Variants in GPC6 observed in about 807,000 individuals in gnomAD.
The protein encoded by GPC6 is glypican 6, also known as glypican-6.
Under a neutral mutation model 55.2 loss-of-function variants are expected in GPC6, and 14 were observed. That is an observed-to-expected ratio of 0.25 (90% CI 0.17 to 0.40). The LOEUF (loss-of-function observed/expected upper bound fraction) is 0.40, where lower values mean the gene tolerates loss of function less well. GPC6 is among the 10% of genes least tolerant of loss of function. The pLI, the probability that GPC6 is intolerant of heterozygous loss-of-function variation, is 1.00. For synonymous variants in GPC6, 278 were observed against 259.6 expected, an observed-to-expected ratio of 1.07 and a Z score of -0.68; for missense variants, 641 against 708.5, an observed-to-expected ratio of 0.90 and a Z score of 1.08.
chr13:93,699,854 A>G (rs1882607118), intron 2 of GPC6, among the ~76,000 whole-genome samples: 1 of 152,056 alleles, frequency 6.6e-6, no homozygotes, highest in Non-Finnish European at 1.5e-5. Context: ...TTCTTAGAGA[A>G]ATCTTTCCTA....
intron 1 of GPC6, among the ~76,000 whole-genome samples, chr13:93,435,235 C>G (rs892856933): frequency 6.6e-6 from 1 of 152,060 alleles, no homozygotes; most frequent in African/African-American, 2.4e-5. Flanking sequence ...CTGCCTCAGC[C>G]TCCTGAGTAG....
chr13:93,249,059 A>G (rs1594051908), intron 1 of GPC6, among the ~76,000 whole-genome samples: 1 of 152,198 alleles, frequency 6.6e-6, no homozygotes, highest in East Asian at 1.9e-4. Context: ...ACCATATCCT[A>G]GGACCTATTC....
intron 3 of GPC6, among the ~76,000 whole-genome samples, chr13:93,958,066 A>AT (rs1183726671): frequency 6.6e-6 from 1 of 151,790 alleles, no homozygotes; most frequent in Non-Finnish European, 1.5e-5. Context: ...GGGTTATTTG[A>AT]TTTTTTCGTG....
chr13:93,226,412 A>G (rs1043723155), upstream of GPC6, among the ~76,000 whole-genome samples: 6 of 152,222 alleles, frequency 3.9e-5, no homozygotes, highest in Non-Finnish European at 5.9e-5. Context: ...AGAAAAAAAC[A>G]AAGTCAAACA....
chr13:94,238,187 T>C (rs1281557970), intron 4 of GPC6, among the ~76,000 whole-genome samples: 1 of 152,176 alleles, frequency 6.6e-6, no homozygotes, highest in African/African-American at 2.4e-5. Flanking sequence ...GATGTCCTTC[T>C]ATTAATGTCA....
At chr13:93,875,717 ATTCATAT>A (rs1889272735) in intron 3 of GPC6, among the ~76,000 whole-genome samples, 1 of 152,038 alleles carries the variant, frequency 6.6e-6, no homozygotes, top group African/African-American at 2.4e-5. Context: ...CCAATAAATG[ATTCATAT>A]GGCATGGGAG....
chr13:93,647,721 A>G (rs886227279), intron 2 of GPC6, among the ~76,000 whole-genome samples: 2 of 152,054 alleles, frequency 1.3e-5, no homozygotes, highest in Admixed American at 1.3e-4. Flanking sequence ...CAAATCTTTC[A>G]CTTATTGCAA....
intron 3 of GPC6, among the ~76,000 whole-genome samples, chr13:93,844,248 C>T (rs1888078156): frequency 6.6e-6 from 1 of 152,152 alleles, no homozygotes; most frequent in African/African-American, 2.4e-5. Flanking sequence ...AAGTGATTCT[C>T]CTGCCTTAGC....
intron 4 of GPC6, among the ~76,000 whole-genome samples, chr13:94,214,159 A>T (rs1285188769): frequency 1.3e-5 from 2 of 152,206 alleles, no homozygotes; most frequent in Non-Finnish European, 2.9e-5. Flanking sequence ...TTCTCCATAA[A>T]GTTACCTCAG....
At chr13:94,249,223 T>A (rs1891281012) in intron 4 of GPC6, among the ~76,000 whole-genome samples, 1 of 152,168 alleles carries the variant, frequency 6.6e-6, no homozygotes. Context: ...TCTAATTTTC[T>A]ATCCTATCGA....
chr13:94,035,123 G>A (rs902618851), intron 4 of GPC6, among the ~76,000 whole-genome samples: 2 of 151,862 alleles, frequency 1.3e-5, no homozygotes, highest in African/African-American at 4.8e-5. Flanking sequence ...ACTCTTCAAT[G>A]TATTTTCTAT....
intron 4 of GPC6, among the ~76,000 whole-genome samples, chr13:94,148,675 G>GTTATTA (rs540729141): frequency 7.2e-5 from 11 of 151,826 alleles, no homozygotes; most frequent in African/African-American, 2.7e-4. Context: ...TTTTTCAAAT[G>GTTATTA]TTATTATTAT....
chr13:93,222,514 A>C (rs1243673497), upstream of GPC6, among the ~76,000 whole-genome samples: 1 of 152,070 alleles, frequency 6.6e-6, no homozygotes, highest in African/African-American at 2.4e-5. Context: ...CACCCAGTTT[A>C]CTATACTAAA....
intron 2 of GPC6, among the ~76,000 whole-genome samples, chr13:93,709,331 A>G (rs1236502116): frequency 4.6e-5 from 7 of 151,782 alleles, no homozygotes; most frequent in South Asian, 2.1e-4. Flanking sequence ...TCTGCCTTCC[A>G]TCTAAGTTAC....
chr13:93,813,977 G>A lies in GPC6; in HGVS notation c.320-16177G>A, dbSNP rs545813979. On this transcript the variant is annotated intron_variant, in intron 2 of 8. Coordinates refer to ENST00000377047, the MANE Select transcript of GPC6 (RefSeq NM_005708.5). The stretch of plus-strand genomic sequence containing the variant: ...TATCTCTTACTCTTACAATAGTTTT[G>A]CCAGTGGTATCTTATTGGTGACTAA... 5.8e-4 allele frequency among the ~76,000 whole-genome samples: 88 copies of A among 152,050 alleles called. 1 individual carries two copies. Among genetic ancestry groups the A allele is most frequent in the African/African-American group, 2.0e-3 (85 of 41,498 alleles).
At chr13:93,875,705 GCCCAATA>G (rs1889272602) in intron 3 of GPC6, among the ~76,000 whole-genome samples, 1 of 152,038 alleles carries the variant, frequency 6.6e-6, no homozygotes, top group African/African-American at 2.4e-5. Flanking sequence ...CCTGGCAGGT[GCCCAATA>G]AATGATTCAT....
chr13:93,540,302 A>G (rs1252203457), intron 1 of GPC6, among the ~76,000 whole-genome samples: 1 of 152,212 alleles, frequency 6.6e-6, no homozygotes, highest in East Asian at 1.9e-4. Context: ...CAGAAAAAGT[A>G]AAGATAATGT....
At chr13:93,479,414 A>T (rs1435404759) in intron 1 of GPC6, among the ~76,000 whole-genome samples, 3 of 152,206 alleles carry the variant, frequency 2.0e-5, no homozygotes, top group African/African-American at 4.8e-5. Context: ...GCAGGATTGT[A>T]TGTAGCTACA....
intron 1 of GPC6, among the ~76,000 whole-genome samples, chr13:93,343,450 C>G (rs1401494622): frequency 6.6e-6 from 1 of 152,160 alleles, no homozygotes; most frequent in Non-Finnish European, 1.5e-5. Context: ...CAGATACTCA[C>G]CAGTAACATT....
Sources: gnomAD v4.1 joint callset for allele counts (sites outside exome capture counted in the v4.1 genomes callset) on GRCh38, gnomAD v4.1.1 for gene constraint, MANE v1.5 for transcripts, NCBI Gene and HGNC (gene_info 2026-07-23, HGNC 2026-07-21) for gene names.